Variants in SGMS1 observed in about 807,000 individuals in gnomAD.
SGMS1 encodes the protein sphingomyelin synthase 1.
SGMS1 carries 13 observed loss-of-function variants against 46.2 expected under a neutral mutation model. That is an observed-to-expected ratio of 0.28 (90% confidence interval 0.18 to 0.45). The LOEUF (loss-of-function observed/expected upper bound fraction) is 0.45, where lower values mean the gene tolerates loss of function less well. Ranked by LOEUF, SGMS1 falls within the 20% of genes least tolerant of loss-of-function variation. The pLI, the probability that SGMS1 is intolerant of heterozygous loss-of-function variation, is 1.00. For synonymous variants in SGMS1, 203 were observed against 187.8 expected, an observed-to-expected ratio of 1.08 and a Z score of -0.66; for missense variants, 324 against 519.9, an observed-to-expected ratio of 0.62 and a Z score of 3.66.
intron 2 of SGMS1, among the ~76,000 whole-genome samples, chr10:50,577,593 A>G (rs1838396679): frequency 6.6e-6 from 1 of 152,208 alleles, no homozygotes; most frequent in Non-Finnish European, 1.5e-5. Flanking sequence ...AATATAAAAA[A>G]TTACCCCTAG....
At chr10:50,444,491 A>G (rs1341041639) in intron 5 of SGMS1, among the ~76,000 whole-genome samples, 10 of 152,364 alleles carry the variant, frequency 6.6e-5, no homozygotes, top group Non-Finnish European at 1.5e-5. Flanking sequence ...ATGTCAAAAT[A>G]ATTCAGTGGG....
intron 3 of SGMS1, among the ~76,000 whole-genome samples, chr10:50,508,039 T>G (rs1007493873): frequency 1.3e-5 from 2 of 152,192 alleles, no homozygotes; most frequent in Non-Finnish European, 2.9e-5. Context: ...ACCCACTCCC[T>G]ACTACTGGCC....
chr10:50,455,966 G>A (rs1837186039), intron 5 of SGMS1, among the ~76,000 whole-genome samples: 1 of 152,084 alleles, frequency 6.6e-6, no homozygotes, highest in African/African-American at 2.4e-5. Context: ...GTGCCTCTAT[G>A]GAAACCACTA....
At chr10:50,389,582 T>A (rs1006005516) in intron 6 of SGMS1, among the ~76,000 whole-genome samples, 2 of 152,174 alleles carry the variant, frequency 1.3e-5, no homozygotes, top group Non-Finnish European at 2.9e-5. Context: ...GAAATAAAAA[T>A]ATTCCACTTT....
chr10:50,505,122 G>A (rs999734121), intron 3 of SGMS1, among the ~76,000 whole-genome samples: 2 of 152,130 alleles, frequency 1.3e-5, no homozygotes, highest in African/African-American at 2.4e-5. Context: ...AGGGTGAGGT[G>A]GGAGGATGGC....
intron 5 of SGMS1, among the ~76,000 whole-genome samples, chr10:50,438,051 C>A (rs1409882155): frequency 6.6e-6 from 1 of 152,132 alleles, no homozygotes; most frequent in Admixed American, 6.5e-5. Flanking sequence ...AGGAAAAAAG[C>A]AGAAGGGATG....
At chr10:50,318,430 A>G (rs1176671525) in intron 8 of SGMS1, among the ~76,000 whole-genome samples, 2 of 152,236 alleles carry the variant, frequency 1.3e-5, no homozygotes, top group African/African-American at 2.4e-5. Flanking sequence ...AGTGATTGCT[A>G]AAATAAAGTG....
chr10:50,334,719 A>G (rs1847687322), intron 7 of SGMS1: 2 of 152,266 alleles, frequency 1.3e-5, no homozygotes. Flanking sequence ...AACATGCGGA[A>G]TACAGCAGTG....
chr10:50,524,424 T>C (rs1837882239), intron 2 of SGMS1, among the ~76,000 whole-genome samples: 1 of 152,202 alleles, frequency 6.6e-6, no homozygotes, highest in Non-Finnish European at 1.5e-5. Flanking sequence ...GAAAAACTTG[T>C]AGCTATTCCC....
intron 3 of SGMS1, among the ~76,000 whole-genome samples, chr10:50,503,369 C>CTG (rs1837678167): frequency 1.3e-5 from 2 of 152,154 alleles, no homozygotes; most frequent in African/African-American, 4.8e-5. Context: ...CAAGCTAAGC[C>CTG]ATCATATCCC....
chr10:50,400,479 C>G (rs1848920800), intron 6 of SGMS1, among the ~76,000 whole-genome samples: 1 of 144,052 alleles, frequency 6.9e-6, no homozygotes, highest in Non-Finnish European at 1.5e-5. Context: ...AGACAAGGTT[C>G]TCGCTCTGTC....
intron 3 of SGMS1, among the ~76,000 whole-genome samples, chr10:50,498,326 TACATA>T (rs1309120597): frequency 1.3e-5 from 2 of 152,256 alleles, no homozygotes; most frequent in South Asian, 2.1e-4. Context: ...TGGTAAAATA[TACATA>T]ACATAATTTA....
chr10:50,528,124 A>C (rs974048000), intron 2 of SGMS1, among the ~76,000 whole-genome samples: 3 of 152,252 alleles, frequency 2.0e-5, no homozygotes, highest in Non-Finnish European at 2.9e-5. Flanking sequence ...ATATCAGTCT[A>C]TAAACCAAAA....
Position 50,412,982 on chromosome 10 carries a change from A to G in SGMS1, c.-232+20494T>C, listed in dbSNP as rs186660214. ...AGATTTATCACCTTTGGAAAACAGG[A>G]GCCCTTTTATTTTTAATATTTTAAC... On this transcript the variant is annotated intron_variant, in intron 6 of 10. Coordinates refer to ENST00000361781, the MANE Select transcript of SGMS1 (RefSeq NM_147156.4). Among the ~76,000 whole-genome samples the G allele has an allele frequency of 5.2e-3, 799 of 152,320 alleles. 14 individuals are homozygous for G. The highest frequency in any genetic ancestry group is 0.018 in the African/African-American group (759 of 41,564).
At position 50,576,774 on chromosome 10, in the gene SGMS1, C is replaced by T. The variant is rs750579279; in HGVS notation, c.-589+13379G>A. Among the ~76,000 whole-genome samples the T allele has an allele frequency of 2.6e-5, 4 of 152,196 alleles. No individual in the cohort carries two copies. The South Asian group carries it at 6.2e-4, about 24-fold the overall frequency. ...TCACCCATTGCACCACATGTATATA[C>T]ATAAGCTTCTGCCAATAGAAGTGTG... On this transcript the variant is annotated intron_variant, in intron 2 of 10. Transcript: ENST00000361781.
At chr10:50,572,988 A>G (rs1010408691) in intron 2 of SGMS1, among the ~76,000 whole-genome samples, 3 of 152,172 alleles carry the variant, frequency 2.0e-5, no homozygotes, top group Admixed American at 1.3e-4. Context: ...CCCAAATCAC[A>G]TGATCATCTC....
chr10:50,508,256 G>A (rs2133768436), intron 3 of SGMS1, among the ~76,000 whole-genome samples: 1 of 152,166 alleles, frequency 6.6e-6, no homozygotes, highest in East Asian at 1.9e-4. Flanking sequence ...TACCATTTTG[G>A]CATGCTAACC....
chr10:50,311,110 G>T, intron 9 of SGMS1, 152 bp downstream of exon 9: 1 of 841,296 alleles, frequency 1.2e-6, no homozygotes, highest in Non-Finnish European at 1.8e-6. Context: ...TTCCCTGGGT[G>T]CCAGTTGCAT....
At chr10:50,587,645 G>A (rs971420025) in intron 2 of SGMS1, among the ~76,000 whole-genome samples, 23 of 150,378 alleles carry the variant, frequency 1.5e-4, no homozygotes, top group South Asian at 6.3e-4. Flanking sequence ...GTGTGTGTGT[G>A]TGTGTGTGTG....
Sources: gnomAD v4.1 joint callset for allele counts (sites outside exome capture counted in the v4.1 genomes callset) on GRCh38, gnomAD v4.1.1 for gene constraint, MANE v1.5 for transcripts, NCBI Gene and HGNC (gene_info 2026-07-23, HGNC 2026-07-21) for gene names.